ATP13A5: variants seen among roughly 807,000 people sequenced by gnomAD.
The protein encoded by ATP13A5 is ATPase 13A5.
Under a neutral mutation model 150.2 loss-of-function variants are expected in ATP13A5, and 149 were observed. The observed-to-expected ratio is 0.99, with a 90% CI of 0.87 to 1.14. The LOEUF (loss-of-function observed/expected upper bound fraction) is 1.14, where lower values mean the gene tolerates loss of function less well. ATP13A5 is among the 50% of genes most tolerant of loss of function. The pLI is 0.00. For synonymous variants in ATP13A5, 497 were observed against 522.2 expected (o/e 0.95, Z 0.66); for missense variants, 1,383 against 1,449.3 (o/e 0.95, Z 0.74).
At chr3:193,290,171 C>G (rs1267314772) in intron 25 of ATP13A5, 112 bp from the exon 26 acceptor site, 1 of 1,084,310 alleles carries the variant, frequency 9.2e-7, no homozygotes, top group African/African-American at 1.6e-5. Flanking sequence ...ACTAAGCAAA[C>G]ACGAACAGAA....
chr3:193,337,539 G>A (rs1319402237), intron 9 of ATP13A5, among the ~76,000 whole-genome samples: 2 of 152,164 alleles, frequency 1.3e-5, no homozygotes, highest in Non-Finnish European at 2.9e-5. Flanking sequence ...TCAGATGGTT[G>A]TAGATGTGTG....
intron 28 of ATP13A5, among the ~76,000 whole-genome samples, chr3:193,277,937 G>T (rs999286667): frequency 6.6e-6 from 1 of 152,182 alleles, no homozygotes; most frequent in Non-Finnish European, 1.5e-5. Context: ...CCAAGTAGCT[G>T]GGAATACAGG....
At chr3:193,349,708 T>A (rs1217775982) in intron 7 of ATP13A5, among the ~76,000 whole-genome samples, 3 of 152,142 alleles carry the variant, frequency 2.0e-5, no homozygotes, top group Non-Finnish European at 4.4e-5. Flanking sequence ...CCGGTTTTTT[T>A]AAAGATGTTA....
chr3:193,320,403 T>C (rs1163284637), intron 16 of ATP13A5, among the ~76,000 whole-genome samples: 1 of 152,102 alleles, frequency 6.6e-6, no homozygotes, highest in Non-Finnish European at 1.5e-5. Flanking sequence ...AAGTCAAAGA[T>C]TGGAAGTTGG....
intron 26 of ATP13A5, among the ~76,000 whole-genome samples, chr3:193,289,524 A>T (rs922693557): frequency 6.6e-6 from 1 of 152,132 alleles, no homozygotes; most frequent in Non-Finnish European, 1.5e-5. Flanking sequence ...GTGCTGCAAC[A>T]GTGGAGTTGA....
At position 193,350,186 on chromosome 3, in the gene ATP13A5, A is replaced by G. The variant is rs139655084; in HGVS notation, c.741+881T>C. Among the ~76,000 whole-genome samples the G allele has an allele frequency of 7.8e-4, 119 of 152,240 alleles. 1 individual carries two copies. In the Middle Eastern group the frequency reaches 0.02, roughly 26 times the overall value. ...TCTTATTTTAATTTTAAAAATTAAT[A>G]AAGACATAAATCTCCATATAAGCTG... On this transcript the variant is annotated intron_variant, in intron 7 of 29. Coordinates refer to ENST00000342358, the MANE Select transcript of ATP13A5 (RefSeq NM_198505.4).
intron 25 of ATP13A5, among the ~76,000 whole-genome samples, chr3:193,296,348 A>G (rs1718169657): frequency 6.6e-6 from 1 of 152,086 alleles, no homozygotes; most frequent in East Asian, 1.9e-4. Context: ...GGCATTTGAC[A>G]GGATATTTTT....
chr3:193,348,145 A>G (rs1712421228), intron 7 of ATP13A5, among the ~76,000 whole-genome samples: 2 of 152,198 alleles, frequency 1.3e-5, no homozygotes, highest in African/African-American at 2.4e-5. Context: ...ATGGCAACCA[A>G]CTAGCTAGGA....
chr3:193,279,828 T>TAAATA (rs1717399718), intron 27 of ATP13A5, among the ~76,000 whole-genome samples: 1 of 151,956 alleles, frequency 6.6e-6, no homozygotes, highest in African/African-American at 2.4e-5. Context: ...GATCCTCTAT[T>TAAATA]GACATTCAAG....
At chr3:193,276,891 T>C in intron 28 of ATP13A5, 61 bp from the exon 29 acceptor site, 3 of 1,173,684 alleles carry the variant, frequency 2.6e-6, no homozygotes, top group Non-Finnish European at 3.7e-6. Flanking sequence ...AAAAAGACCA[T>C]ATTAATTATT....
Position 193,274,896 on chromosome 3 carries a change from G to T in ATP13A5, c.*146C>A. The T allele has an allele frequency of 8.5e-7, 1 of 1,182,262 alleles. No individual in the cohort carries two copies. The highest frequency in any genetic ancestry group is 1.2e-6 in the Non-Finnish European group (1 of 834,394). The allele number at this position is 1,182,262 out of a possible 1,614,324, so 73.2% of individuals were successfully genotyped here. A position where few individuals can be genotyped will look rare whatever the true frequency, so the allele number is the denominator to read the frequency against. On this transcript the variant is annotated 3_prime_UTR_variant, in exon 30 of 30. Coordinates refer to ENST00000342358, the MANE Select transcript of ATP13A5 (RefSeq NM_198505.4). ...AGAATAAGCCTATCTAAGGTCCCTT[G>T]CTGCAAGGTTTAATTCATTGAAAAT...
intron 13 of ATP13A5, 116 bp downstream of exon 13, chr3:193,326,880 C>A (rs1205952296): frequency 2.3e-6 from 2 of 869,836 alleles, no homozygotes; most frequent in Non-Finnish European, 3.7e-6. Flanking sequence ...CTAGTTCCAG[C>A]CAACTATTGT....
Position 193,364,101 on chromosome 3 carries a change from A to G in ATP13A5, c.237+6T>C. ...CTTTCAAAATAGAAAACAGAAAGGC[A>G]CGCACTGTTGTCCTCAGCAAAACAG... On this transcript the variant is annotated splice_donor_region_variant and intron_variant, in intron 2 of 29. Coordinates refer to ENST00000342358, the MANE Select transcript of ATP13A5 (RefSeq NM_198505.4). The G allele has an allele frequency of 6.2e-7, 1 of 1,613,856 alleles. No homozygotes were observed. Among genetic ancestry groups the G allele is most frequent in the Non-Finnish European group, 8.5e-7 (1 of 1,179,834 alleles).
At chr3:193,293,222 C>G (rs1718036633) in intron 25 of ATP13A5, among the ~76,000 whole-genome samples, 2 of 152,072 alleles carry the variant, frequency 1.3e-5, no homozygotes, top group Admixed American at 1.3e-4. Flanking sequence ...ATGGCAAGCC[C>G]TGCAATACAA....
chr3:193,285,180 A>G (rs1717668542), intron 26 of ATP13A5, 64 bp from the exon 27 acceptor site: 2 of 1,374,836 alleles, frequency 1.5e-6, no homozygotes, highest in East Asian at 4.7e-5. Flanking sequence ...AGGTGAAAAA[A>G]AAAATAATTT....
At chr3:193,315,342 A>G (rs1381710160) in intron 17 of ATP13A5, among the ~76,000 whole-genome samples, 2 of 152,222 alleles carry the variant, frequency 1.3e-5, no homozygotes, top group Non-Finnish European at 2.9e-5. Flanking sequence ...ATTTTTAAAA[A>G]CAATGTGCTT....
Position 193,299,712 on chromosome 3 carries a change from A to C in ATP13A5, c.2776-509T>G, listed in dbSNP as rs116190297. Among the ~76,000 whole-genome samples, 327 of 152,248 alleles carry C rather than the reference A, an allele frequency of 2.1e-3. 1 individual carries two copies. Among genetic ancestry groups the C allele is most frequent in the African/African-American group, 7.6e-3 (317 of 41,554 alleles). ...CCCATTGCAGAATTCAGTCGGGTAC[A>C]TCTGCCTTTTTAAGGTTTGTGTAGA... On this transcript the variant is annotated intron_variant, in intron 24 of 29. Transcript: ENST00000342358.
At chr3:193,378,585 AT>A in intron 1 of ATP13A5, 77 bp downstream of exon 1, 2 of 1,272,454 alleles carry the variant, frequency 1.6e-6, no homozygotes, top group Non-Finnish European at 2.3e-6. Flanking sequence ...GCTACACTCT[AT>A]TTTCTAATTC....
chr3:193,305,763 AAC>A, intron 22 of ATP13A5, 95 bp from the exon 23 acceptor site: 1 of 1,026,082 alleles, frequency 9.7e-7, no homozygotes, highest in Non-Finnish European at 1.5e-6. Flanking sequence ...ATAAAGGTAT[AAC>A]ACTGTACTGT....
Sources: allele counts gnomAD v4.1 joint callset (sites outside exome capture counted in the v4.1 genomes callset), GRCh38; gene constraint gnomAD v4.1.1; transcripts MANE v1.5; gene names NCBI Gene and HGNC (gene_info 2026-07-23, HGNC 2026-07-21).